Variants in PCDHGA6 observed in about 807,000 individuals in gnomAD.
PCDHGA6 encodes protocadherin gamma-A6.
PCDHGA6 carries 41 observed loss-of-function variants against 60.6 expected under a neutral mutation model. The ratio of observed to expected loss-of-function variants is 0.68; its 90% confidence interval spans 0.53 to 0.88. The LOEUF (loss-of-function observed/expected upper bound fraction) is 0.88, where lower values mean the gene tolerates loss of function less well. Ranked by LOEUF, PCDHGA6 falls within the 40% of genes least tolerant of loss-of-function variation. The pLI, the probability that PCDHGA6 is intolerant of heterozygous loss-of-function variation, is 0.00. For missense variants in PCDHGA6, 1,312 were observed against 1,203.0 expected (o/e 1.09, Z -1.34); for synonymous variants, 594 against 524.4 (o/e 1.13, Z -1.81).
At chr5:141,386,154 A>T (rs1211383292) in intron 1 of PCDHGA6, among the ~76,000 whole-genome samples, 2 of 152,222 alleles carry the variant, frequency 1.3e-5, no homozygotes, top group Non-Finnish European at 2.9e-5. Context: ...CAACTGTCTC[A>T]CGTACTCAAA....
At chr5:141,399,708 A>C (rs769072460) in intron 1 of PCDHGA6, 50 of 1,613,374 alleles carry the variant, frequency 3.1e-5, no homozygotes, top group Non-Finnish European at 4.2e-5. Context: ...TCGAACTCAC[A>C]CTACAGGCCC....
At chr5:141,404,601 T>G (rs2094545274) in intron 1 of PCDHGA6, 2 of 1,614,056 alleles carry the variant, frequency 1.2e-6, no homozygotes, top group Admixed American at 1.7e-5. Context: ...TCATTGAGAC[T>G]GTTTGTTTTG....
At chr5:141,376,649 A>T in intron 1 of PCDHGA6, 142 bp downstream of exon 1, 1 of 978,990 alleles carries the variant, frequency 1.0e-6, no homozygotes, top group Non-Finnish European at 1.5e-6. Flanking sequence ...GTAAAGTGGA[A>T]GACTCCCTTG....
rs909444391 is a variant in PCDHGA6 at position 141,450,834 on chromosome 5, T to A, written c.2425-43973T>A. On this transcript the variant is annotated intron_variant, in intron 1 of 3. Transcript: ENST00000517434. ...TATTTAATATTATTATTATTATTTT[T>A]TTTTTTTTGAGATGGGGTCTTGCTC... is the stretch of plus-strand genomic sequence containing the variant. 1.2e-3 allele frequency among the ~76,000 whole-genome samples: 172 copies of A among 148,764 alleles called. 3 individuals are homozygous for A. The highest frequency in any genetic ancestry group is 4.1e-3 in the African/African-American group (166 of 40,236).
At chr5:141,415,314 C>A (rs375384840) in intron 1 of PCDHGA6, 1 of 1,614,238 alleles carries the variant, frequency 6.2e-7, no homozygotes, top group Non-Finnish European at 8.5e-7. Context: ...CCTTCGTCAT[C>A]GTGCTGCTGG....
intron 1 of PCDHGA6, among the ~76,000 whole-genome samples, chr5:141,466,036 G>C (rs981390655): frequency 1.3e-5 from 2 of 152,064 alleles, no homozygotes; most frequent in Non-Finnish European, 2.9e-5. Context: ...GCAGGAGAAC[G>C]GCATGAACCC....
chr5:141,378,647 G>A lies in PCDHGA6; in HGVS notation c.2424+2140G>A, dbSNP rs576972610. On this transcript the variant is annotated intron_variant, in intron 1 of 3. Coordinates refer to ENST00000517434, the MANE Select transcript of PCDHGA6 (RefSeq NM_018919.3). Reference sequence around the variant, plus strand: ...CTGACTGGTGAATGGGAGAACAAATGTTAATGAGGTTCAAATAAAAATTTA... The same window carrying A: ...CTGACTGGTGAATGGGAGAACAAATATTAATGAGGTTCAAATAAAAATTTA... 11 of 152,304 alleles carry A rather than the reference G, an allele frequency of 7.2e-5. No homozygotes were observed. The East Asian group carries it at 1.9e-3, about 27-fold the overall frequency. 9.4% of individuals were successfully genotyped at this position (152,304 alleles called of 1,614,324 possible).
chr5:141,399,620 CCTCTT>C (rs1251716471), intron 1 of PCDHGA6: 1 of 1,613,940 alleles, frequency 6.2e-7, no homozygotes, highest in Non-Finnish European at 8.5e-7. Context: ...CTGGCACTGG[CCTCTT>C]ACGTGTCCAT....
chr5:141,477,260 G>A lies in PCDHGA6; in HGVS notation c.2425-17547G>A. On this transcript the variant is annotated intron_variant, in intron 1 of 3. Coordinates refer to ENST00000517434, the MANE Select transcript of PCDHGA6 (RefSeq NM_018919.3). This position sits in a 1 kb window ranked among gnomAD's most constrained non-coding sequence, Gnocchi z 4.9. ...GCTCAGTGTGACTGACCTGGATGCTGGCGAGAACGGGCTGGTGACCTGCGA... is the reference window on the plus strand; with the variant it reads ...GCTCAGTGTGACTGACCTGGATGCTAGCGAGAACGGGCTGGTGACCTGCGA... 6.2e-7 allele frequency: 1 copy of A among 1,614,200 alleles called. No homozygotes were observed. Among genetic ancestry groups the A allele is most frequent in the Non-Finnish European group, 8.5e-7 (1 of 1,180,048 alleles).
At chr5:141,406,382 G>C (rs189693155) in intron 1 of PCDHGA6, among the ~76,000 whole-genome samples, 1 of 152,114 alleles carries the variant, frequency 6.6e-6, no homozygotes, top group Non-Finnish European at 1.5e-5. Context: ...TGATAAAAAG[G>C]TAAATGTATT....
intron 1 of PCDHGA6, chr5:141,404,679 A>G: frequency 6.2e-7 from 1 of 1,614,096 alleles, no homozygotes; most frequent in Admixed American, 1.7e-5. Flanking sequence ...ACTGGTGTGG[A>G]GCTGGCACCC....
At chr5:141,479,982 C>T (rs368461965) in intron 1 of PCDHGA6, among the ~76,000 whole-genome samples, 1 of 152,192 alleles carries the variant, frequency 6.6e-6, no homozygotes, top group South Asian at 2.1e-4. Flanking sequence ...CTACCATTTA[C>T]CAACTAGGAG....
At chr5:141,475,014 C>G (rs2099358221) in intron 1 of PCDHGA6, among the ~76,000 whole-genome samples, 1 of 152,202 alleles carries the variant, frequency 6.6e-6, no homozygotes, top group South Asian at 2.1e-4. Flanking sequence ...AAAGTTAAGG[C>G]TCTTTATTCT....
intron 1 of PCDHGA6, chr5:141,398,380 C>G: frequency 6.9e-7 from 1 of 1,455,908 alleles, no homozygotes; most frequent in South Asian, 1.2e-5. Flanking sequence ...CGGGGAGTTG[C>G]TTGTGAGCAG....
At chr5:141,463,168 T>C (rs74924211) in intron 1 of PCDHGA6, among the ~76,000 whole-genome samples, 6,974 of 152,254 alleles carry the variant, frequency 0.046, 178 homozygotes, top group Middle Eastern at 0.082. Context: ...GTGCACTCTA[T>C]GTATGCTCAG....
In PCDHGA6 at chr5:141,409,864, C is replaced by A. The variant is rs772646188; in HGVS notation, c.2424+33357C>A. The A allele has an allele frequency of 1.9e-6, 3 of 1,612,574 alleles. No individual in the cohort carries two copies. The East Asian group carries it at 6.7e-5, about 36-fold the overall frequency. Reference sequence around the variant, plus strand: ...TGAGCCTGCGCGTGTTGGTGGGAGACCGCAATGACAACGCACCGCGGGTGC... The same window carrying A: ...TGAGCCTGCGCGTGTTGGTGGGAGAACGCAATGACAACGCACCGCGGGTGC... On this transcript the variant is annotated intron_variant, in intron 1 of 3. Transcript: ENST00000517434.
At chr5:141,453,969 A>T (rs543979166) in intron 1 of PCDHGA6, among the ~76,000 whole-genome samples, 13 of 152,356 alleles carry the variant, frequency 8.5e-5, no homozygotes, top group South Asian at 2.1e-4. Flanking sequence ...CAAAGCATGT[A>T]GTTGTGTTGC....
At chr5:141,475,819 G>A (rs1232669115) in intron 1 of PCDHGA6, 4 of 350,114 alleles carry the variant, frequency 1.1e-5, no homozygotes, top group Non-Finnish European at 1.6e-5. Context: ...GAAGTTCCTG[G>A]CGCTAGCGCG....
chr5:141,386,521 A>AG (rs1458324675), intron 1 of PCDHGA6, among the ~76,000 whole-genome samples: 1 of 232 alleles, frequency 4.3e-3, no homozygotes, highest in Non-Finnish European at 0.011. Context: ...TCAAAAAAAG[A>AG]CTCTTTTTAG....
Sources: gnomAD v4.1 joint callset for allele counts (sites outside exome capture counted in the v4.1 genomes callset) on GRCh38, gnomAD v4.1.1 for gene constraint, Gnocchi (gnomAD v3.1) non-coding constraint, MANE v1.5 for transcripts, NCBI Gene and HGNC (gene_info 2026-07-23, HGNC 2026-07-21) for gene names.